The following TMCC2 variants were observed in gnomAD, a reference collection of about 807,000 sequenced individuals.
The protein encoded by TMCC2 is transmembrane and coiled-coil domain family 2.
Under a neutral mutation model 49.4 loss-of-function variants are expected in TMCC2, and 16 were observed. The ratio of observed to expected loss-of-function variants is 0.32; its 90% CI spans 0.22 to 0.49. TMCC2 has a LOEUF of 0.49. Among genes scored for constraint, TMCC2 ranks in the 20% least tolerant of loss-of-function variants. TMCC2 has a pLI of 0.99. For missense variants in TMCC2, 762 were observed against 989.8 expected, an observed-to-expected ratio of 0.77 and a Z score of 3.09; for synonymous variants, 397 against 434.1, an observed-to-expected ratio of 0.91 and a Z score of 1.06.
rs759920615 is a variant in TMCC2, at chr1:205,269,406, G to T, written c.1204G>T (p.Val402Leu). Residue 402 changes from valine (V) to leucine (L), a missense_variant, in exon 3 of 5, where the codon GTG (valine) becomes TTG (leucine). Val to Leu is a conservative substitution (Grantham distance 32). Around this residue, in one of 2 missense-constraint regions of TMCC2, gnomAD observed 440 missense variants for 636.7 expected, o/e 0.69. Coordinates refer to ENST00000358024, the MANE Select transcript of TMCC2 (RefSeq NM_014858.4). Reference protein sequence around the residue: ...RAGISGFGGGVVEGVKGSLSG... With the variant: ...RAGISGFGGGLVEGVKGSLSG... ...AGGCATCAGCGGCTTTGGGGGCGGC[G>T]TGGTGGAGGGCGTCAAGGGCAGCCT... is the stretch of plus-strand genomic sequence containing the variant. 6.2e-7 allele frequency: 1 copy of T among 1,606,426 alleles called. No individual in the cohort carries two copies.
At chr1:205,246,783 C>G (rs1050520641) in intron 2 of TMCC2, 1 of 1,357,572 alleles carries the variant, frequency 7.4e-7, no homozygotes, top group Non-Finnish European at 1.0e-6. Context: ...GGAGGGAAAA[C>G]GTGAACCTTG....
chr1:205,266,756 A>ATTCAGC (rs1367594092), intron 2 of TMCC2, among the ~76,000 whole-genome samples: 1 of 152,188 alleles, frequency 6.6e-6, no homozygotes, highest in Non-Finnish European at 1.5e-5. Context: ...CTAGATTCAG[A>ATTCAGC]TTCAGCGTTT....
At chr1:205,257,333 G>C in intron 2 of TMCC2, 1 of 1,232,224 alleles carries the variant, frequency 8.1e-7, no homozygotes, top group Non-Finnish European at 1.0e-6. Flanking sequence ...GTACCTCATC[G>C]CCGGCACGGC....
chr1:205,242,997 G>C (rs1660329443), intron 2 of TMCC2, among the ~76,000 whole-genome samples: 1 of 152,196 alleles, frequency 6.6e-6, no homozygotes, highest in Admixed American at 6.5e-5. Flanking sequence ...ATCACAAAAG[G>C]CCTTGCCATG....
At chr1:205,268,247 T>C (rs1332870253) in intron 2 of TMCC2, among the ~76,000 whole-genome samples, 2 of 152,186 alleles carry the variant, frequency 1.3e-5, no homozygotes, top group Non-Finnish European at 2.9e-5. Context: ...ATTTGTCTCA[T>C]TCCTCAGAAA....
chr1:205,254,968 T>C (rs1331761796), intron 2 of TMCC2, among the ~76,000 whole-genome samples: 1 of 152,156 alleles, frequency 6.6e-6, no homozygotes, highest in Non-Finnish European at 1.5e-5. Context: ...TCCCAGCACT[T>C]TGGGAGGCCA....
intron 2 of TMCC2, among the ~76,000 whole-genome samples, chr1:205,252,877 TTG>T (rs1253290265): frequency 1.3e-5 from 2 of 151,698 alleles, no homozygotes; most frequent in Non-Finnish European, 2.9e-5. Context: ...TCTCAGTGAT[TTG>T]GGAGGCCAAG....
intron 2 of TMCC2, among the ~76,000 whole-genome samples, chr1:205,254,552 C>T (rs1660788170): frequency 1.3e-5 from 2 of 152,190 alleles, no homozygotes; most frequent in South Asian, 4.1e-4. Flanking sequence ...CAGACATCTC[C>T]CTGGTTCTTG....
Position 205,246,399 on chromosome 1 carries a change from G to C in TMCC2, c.747+4355G>C. 3 of 985,688 alleles carry C rather than the reference G, an allele frequency of 3.0e-6. No homozygotes were observed. The East Asian group carries it at 1.2e-4, about 40-fold the overall frequency. 61.1% of individuals were successfully genotyped at this position (985,688 alleles called of 1,614,324 possible). A position where few individuals can be genotyped will look rare whatever the true frequency, so the allele number is the denominator to read the frequency against. On this transcript the variant is annotated intron_variant, in intron 2 of 4. Coordinates refer to ENST00000358024, the MANE Select transcript of TMCC2 (RefSeq NM_014858.4). ...TCCACGTGGAAATGCCAAATAAGCA[G>C]TCAGCTGTACGAGTCTGGAGTTCTG...
chr1:205,262,913 T>C (rs1264975428), intron 2 of TMCC2, among the ~76,000 whole-genome samples: 1 of 152,028 alleles, frequency 6.6e-6, no homozygotes, highest in Non-Finnish European at 1.5e-5. Context: ...TCAACTAGGA[T>C]CTCGTGGTGA....
At chr1:205,262,822 G>T (rs1300083195) in intron 2 of TMCC2, among the ~76,000 whole-genome samples, 1 of 152,124 alleles carries the variant, frequency 6.6e-6, no homozygotes, top group Non-Finnish European at 1.5e-5. Context: ...AGGATCTAAG[G>T]AGGAGGCTGG....
intron 2 of TMCC2, among the ~76,000 whole-genome samples, chr1:205,242,647 T>C (rs1183708873): frequency 1.3e-5 from 2 of 152,224 alleles, no homozygotes; most frequent in African/African-American, 2.4e-5. Flanking sequence ...TGAATTCTTA[T>C]GTTGTGCTAC....
intron 1 of TMCC2, chr1:205,229,657 C>G: frequency 2.0e-6 from 2 of 984,614 alleles, no homozygotes; most frequent in Non-Finnish European, 2.4e-6. Context: ...GCTGAACCAA[C>G]CCCCAGGGTG....
chr1:205,269,513 C>G lies in TMCC2; in HGVS notation c.1311C>G (p.Gly437=), dbSNP rs1421874453. The change falls in exon 3 of 5, where the codon GGC becomes GGG. Residue 437 remains glycine (G), a synonymous_variant. Coordinates refer to ENST00000358024, the MANE Select transcript of TMCC2 (RefSeq NM_014858.4). ...EFASLIRNKF[G]SADNIAHLKD... is the part of the protein sequence containing the mutation. ...CCAGCCTCATCCGCAACAAGTTTGG[C>G]AGTGCTGACAACATCGCCCACCTGA... 17 of 1,611,220 alleles carry G rather than the reference C, an allele frequency of 1.1e-5. No individual in the cohort carries two copies. The highest frequency in any genetic ancestry group is 1.4e-5 in the Non-Finnish European group (17 of 1,178,074).
chr1:205,249,935 A>G (rs1222935255), intron 2 of TMCC2, among the ~76,000 whole-genome samples: 1 of 152,144 alleles, frequency 6.6e-6, no homozygotes, highest in Non-Finnish European at 1.5e-5. Flanking sequence ...CAAAGCCCCT[A>G]TTACCCAGAG....
rs889241276 is a variant in TMCC2 at position 205,240,705 on chromosome 1, G to A, written c.208-800G>A. On this transcript the variant is annotated intron_variant, in intron 1 of 4. Coordinates refer to ENST00000358024, the MANE Select transcript of TMCC2 (RefSeq NM_014858.4). ...CACCATCTGTGTGCAGACCCTCATC[G>A]TCAACCATGTCATCTTGTGGTTGCA... 5.9e-5 allele frequency among the ~76,000 whole-genome samples: 9 copies of A among 152,250 alleles called. No homozygotes were observed. The South Asian group carries it at 1.0e-3, about 18-fold the overall frequency.
In TMCC2 at chr1:205,228,265, T is replaced by A. The variant is rs2102509511; in HGVS notation, c.-300T>A. ...GAAAGTTTGGGGGCCGGGGGTTGTC[T>A]CCCTTCTCCCTCCTGCAATGACTGC... On this transcript the variant is annotated 5_prime_UTR_variant, in exon 1 of 5. Coordinates refer to ENST00000358024, the MANE Select transcript of TMCC2 (RefSeq NM_014858.4). 1 of 235,070 alleles carries A rather than the reference T, an allele frequency of 4.3e-6. No individual in the cohort carries two copies. The highest frequency in any genetic ancestry group is 8.3e-5 in the East Asian group (1 of 12,076). 14.6% of individuals were successfully genotyped at this position (235,070 alleles called of 1,614,324 possible).
intron 2 of TMCC2, among the ~76,000 whole-genome samples, chr1:205,260,523 A>C (rs879706207): frequency 5.5e-4 from 83 of 152,110 alleles, no homozygotes; most frequent in Admixed American, 1.4e-3. Flanking sequence ...CTGCATACCC[A>C]CTCTGTAATG....
intron 1 of TMCC2, among the ~76,000 whole-genome samples, chr1:205,239,221 A>C (rs753930678): frequency 2.6e-5 from 4 of 152,208 alleles, no homozygotes; most frequent in Non-Finnish European, 4.4e-5. Flanking sequence ...CGTATTATGG[A>C]ATGTGACGAT....
Sources: gnomAD v4.1 joint callset for allele counts (sites outside exome capture counted in the v4.1 genomes callset) on GRCh38, gnomAD v4.1.1 for gene constraint, gnomAD v4.1.1 regional missense constraint, MANE v1.5 for transcripts, NCBI Gene and HGNC (gene_info 2026-07-23, HGNC 2026-07-21) for gene names.